CMYA5: variants seen among roughly 807,000 people sequenced by gnomAD.
CMYA5 encodes the protein cardiomyopathy associated 5, also known as cardiomyopathy-associated protein 5.
In CMYA5, 246 loss-of-function variants were observed where a neutral mutation model predicts 318.9. The ratio of observed to expected loss-of-function variants is 0.77; its 90% CI spans 0.70 to 0.86. The LOEUF (loss-of-function observed/expected upper bound fraction) is 0.86. Among genes scored for constraint, CMYA5 ranks in the 40% least tolerant of loss-of-function variants. CMYA5 has a pLI of 0.00. For missense variants in CMYA5, 4,589 were observed against 4,678.2 expected (o/e 0.98, Z 0.56); for synonymous variants, 1,641 against 1,729.5 (o/e 0.95, Z 1.27).
rs1234611968 is a variant in CMYA5, at chr5:79,735,887, A to C, written c.7122A>C (p.Ser2374=). 1 of 1,580,882 alleles carries C rather than the reference A, an allele frequency of 6.3e-7. No individual in the cohort carries two copies. ...EEPRSDQKQK[S]LLSFDVVDKV... is the part of the protein sequence containing the mutation. ...CAAGAAGTGATCAAAAACAAAAATC[A>C]CTCCTTTCATTTGATGTAGTAGATA... The change falls in exon 2 of 13, where the codon TCA becomes TCC. Residue 2374 remains serine, a synonymous_variant. Coordinates refer to ENST00000446378, the MANE Select transcript of CMYA5 (RefSeq NM_153610.5).
Position 79,690,046 on chromosome 5 carries a change from C to G in CMYA5, c.139C>G (p.Pro47Ala), listed in dbSNP as rs369473132. 2 of 1,454,192 alleles carry G rather than the reference C, an allele frequency of 1.4e-6. No homozygotes were observed. The highest frequency in any genetic ancestry group is 1.5e-5 in the African/African-American group (1 of 67,394). 90.1% of individuals were successfully genotyped at this position (1,454,192 alleles called of 1,614,324 possible). Residue 47 changes from proline (P) to alanine (A), a missense_variant, in exon 1 of 13, where the codon CCG becomes GCG. Physicochemically the swap from Pro to Ala is conservative, Grantham distance 27. This residue lies in a region of CMYA5 where 2,132 missense variants were observed against 2,131.3 expected (regional missense o/e 1.00). Transcript: ENST00000446378. ...GACGGCGGCGGAGTCGGAGGAGGAG[C>G]CGGACTCCAGGTAGCGCGAGCCTCT... The part of the protein sequence containing the change: ...DETAAESEEE[P>A]DSRLSDQDEE...
In CMYA5 at chr5:79,702,961, C is replaced by T. The variant is rs17239926; in HGVS notation, c.149+12905C>T. On this transcript the variant is annotated intron_variant, in intron 1 of 12. Transcript: ENST00000446378. ...TTTCTTTCCTCAGTAGCTCTCAAGT[C>T]GGTCTAAAAACGGATGTGAAGGTCT... 5.1e-3 allele frequency among the ~76,000 whole-genome samples: 773 copies of T among 152,250 alleles called. 5 individuals carry two copies. Among genetic ancestry groups the T allele is most frequent in the Non-Finnish European group, 8.6e-3 (582 of 68,014 alleles).
At position 79,737,622 on chromosome 5, in the gene CMYA5, A is replaced by G. The variant is rs1828107748; in HGVS notation, c.8857A>G (p.Ile2953Val). ...TAGTATCATTTCTGAAGGCTGTGAG[A>G]TATTGAATATTCATGCTCCGGCCTT... ...AFSIISEGCEILNIHAPAFIS... is the reference protein window; with the variant it reads ...AFSIISEGCEVLNIHAPAFIS... Residue 2953 changes from isoleucine (I) to valine (V), a missense_variant, in exon 2 of 13, where the codon ATA (isoleucine) becomes GTA (valine). Transcript: ENST00000446378. 3.7e-6 allele frequency: 6 copies of G among 1,613,520 alleles called. No individual in the cohort carries two copies. Among genetic ancestry groups the G allele is most frequent in the Non-Finnish European group, 5.1e-6 (6 of 1,179,780 alleles).
chr5:79,799,870 T>TACGCCAACCA lies in CMYA5; in HGVS notation c.*255_*256insCGCCAACCAA. On this transcript the variant is annotated 3_prime_UTR_variant, in exon 13 of 13. Coordinates refer to ENST00000446378, the MANE Select transcript of CMYA5 (RefSeq NM_153610.5). ...TATAAGTTTGAGTTCTTTCCTAAATTAAAAGATCTACACTTGAGTTGGGAA... is the reference window on the plus strand; with the variant it reads ...TATAAGTTTGAGTTCTTTCCTAAATTACGCCAACCAAAAAGATCTACACTTGAGTTGGGAA... The TACGCCAACCA allele has an allele frequency of 6.3e-6, 1 of 158,426 alleles. No individual in the cohort carries two copies. The highest frequency in any genetic ancestry group is 1.2e-5 in the Non-Finnish European group (1 of 81,248). 9.8% of individuals were successfully genotyped at this position (158,426 alleles called of 1,614,324 possible).
In CMYA5 at chr5:79,730,211, A is replaced by G; in HGVS notation, c.1446A>G (p.Gly482=). The part of the protein sequence containing the change: ...KLTPTHPSVK[G]EKEENMLEPS... ...CCCCTACCCATCCCAGTGTCAAAGG[A>G]GAGAAGGAGGAAAACATGCTTGAGC... Residue 482 remains glycine, a synonymous_variant, in exon 2 of 13, where the codon GGA becomes GGG. Transcript: ENST00000446378. 6.2e-7 allele frequency: 1 copy of G among 1,613,986 alleles called. No homozygotes were observed.
At chr5:79,711,644 G>A (rs1827393125) in intron 1 of CMYA5, among the ~76,000 whole-genome samples, 1 of 152,016 alleles carries the variant, frequency 6.6e-6, no homozygotes, top group African/African-American at 2.4e-5. Context: ...AAAAAATGGG[G>A]GCTGGGAAAT....
rs542528396 is a variant in CMYA5 at position 79,711,800 on chromosome 5, A to T, written c.150-17115A>T. ...AGGATTTGTCAGTAACCATAATATA[A>T]TGATTAATTTTTCTTGATGAATTAT... On this transcript the variant is annotated intron_variant, in intron 1 of 12. Coordinates refer to ENST00000446378, the MANE Select transcript of CMYA5 (RefSeq NM_153610.5). 3.2e-4 allele frequency among the ~76,000 whole-genome samples: 49 copies of T among 152,344 alleles called. No individual in the cohort carries two copies. In the Middle Eastern group the frequency reaches 0.017, roughly 53 times the overall value.
In CMYA5 at chr5:79,743,927, G is replaced by A. The variant is rs887884311; in HGVS notation, c.10734+5G>A. On this transcript the variant is annotated splice_donor_5th_base_variant and intron_variant, in intron 3 of 12. Coordinates refer to ENST00000446378, the MANE Select transcript of CMYA5 (RefSeq NM_153610.5). ...TCCTTTTTTAATACCATTGAGGTAA[G>A]TTAACACACCCATTTTACCTTAACC... is the stretch of plus-strand genomic sequence containing the variant. 2 of 1,426,788 alleles carry A rather than the reference G, an allele frequency of 1.4e-6. No homozygotes were observed. Among genetic ancestry groups the A allele is most frequent in the Non-Finnish European group, 1.9e-6 (2 of 1,041,564 alleles). 88.4% of individuals were successfully genotyped at this position (1,426,788 alleles called of 1,614,324 possible).
intron 1 of CMYA5, among the ~76,000 whole-genome samples, chr5:79,698,467 C>T (rs1392995338): frequency 6.6e-6 from 1 of 152,176 alleles, no homozygotes; most frequent in African/African-American, 2.4e-5. Flanking sequence ...CCCCTGTCTA[C>T]CTCTCTCAGC....
rs58596452 is a variant in CMYA5, at chr5:79,726,595, G to A, written c.150-2320G>A. Among the ~76,000 whole-genome samples, 872 of 152,290 alleles carry A rather than the reference G, an allele frequency of 5.7e-3. 11 individuals are homozygous for A. The highest frequency in any genetic ancestry group is 0.02 in the African/African-American group (842 of 41,554). On this transcript the variant is annotated intron_variant, in intron 1 of 12. Coordinates refer to ENST00000446378, the MANE Select transcript of CMYA5 (RefSeq NM_153610.5). The stretch of plus-strand genomic sequence containing the variant: ...TTCACTCATGGCATGTATAGAAAAT[G>A]ATATAATTTATAGCACACTAGGGTG...
rs1475673142 is a variant in CMYA5 at position 79,736,813 on chromosome 5, A to G, written c.8048A>G (p.Lys2683Arg). The change falls in exon 2 of 13, where the codon AAA (lysine) becomes AGA (arginine). Residue 2683 changes from lysine (K) to arginine (R), a missense_variant. Around this residue, in one of 3 missense-constraint regions of CMYA5, gnomAD observed 2,431 missense variants for 2,495.1 expected, o/e 0.97. Transcript: ENST00000446378. ...CAGTTCAGAGAGTCAGAGCTATCGA[A>G]AGGCGGTTCAGTAGATATCACAAAA... ...KEQFRESELS[K>R]GGSVDITKET... 1 of 1,612,848 alleles carries G rather than the reference A, an allele frequency of 6.2e-7. No homozygotes were observed. The highest frequency in any genetic ancestry group is 1.7e-5 in the Admixed American group (1 of 59,786).
intron 10 of CMYA5, among the ~76,000 whole-genome samples, chr5:79,790,459 C>T (rs10066595): frequency 0.15 from 22,414 of 151,988 alleles, 1,911 homozygotes; most frequent in African/African-American, 0.22. Context: ...TTGGTAGAGA[C>T]GGGGTTTCAC....
Position 79,758,762 on chromosome 5 carries a change from C to T in CMYA5, c.11120C>T (p.Pro3707Leu), listed in dbSNP as rs755368316. 4.7e-5 allele frequency: 75 copies of T among 1,603,528 alleles called. No homozygotes were observed. Among genetic ancestry groups the T allele is most frequent in the Non-Finnish European group, 5.9e-5 (69 of 1,175,554 alleles). Residue 3707 changes from proline (P) to leucine (L), a missense_variant, in exon 7 of 13, where the codon CCT (proline) becomes CTT (leucine). This residue lies in a region of CMYA5 where 2,431 missense variants were observed against 2,495.1 expected (regional missense o/e 0.97). Transcript: ENST00000446378. ...QMLKQVAVPQ[P>L]PRLEPQEPNS... The stretch of plus-strand genomic sequence containing the variant: ...CTTGTTTATATTCCAGTTCCACAGC[C>T]TCCTAGATTAGAACCTCAGGAACCA...
chr5:79,719,526 ACT>A (rs1466865991), intron 1 of CMYA5, among the ~76,000 whole-genome samples: 45 of 152,198 alleles, frequency 3.0e-4, no homozygotes, highest in African/African-American at 1.1e-3. Flanking sequence ...TACTAATACA[ACT>A]CACAAAAAAC....
At chr5:79,793,351 CTG>C (rs1829210670) in intron 11 of CMYA5, 84 bp from the exon 12 acceptor site, 3 of 1,327,734 alleles carry the variant, frequency 2.3e-6, no homozygotes, top group South Asian at 1.3e-5. Flanking sequence ...CCTGCCTAAA[CTG>C]TGTGAGTTTG....
chr5:79,747,018 A>C, intron 4 of CMYA5, 73 bp from the exon 5 acceptor site: 1 of 922,856 alleles, frequency 1.1e-6, no homozygotes, highest in Non-Finnish European at 1.7e-6. Context: ...TCTGTTGTTA[A>C]TTAGCTTCTC....
At chr5:79,701,090 C>CCAAAAAAAAAAAAAAAAA (rs55791310) in intron 1 of CMYA5, among the ~76,000 whole-genome samples, 3 of 114,926 alleles carry the variant, frequency 2.6e-5, no homozygotes, top group African/African-American at 3.1e-5. Flanking sequence ...ACTAAAAATA[C>CCAAAAAAAAAAAAAAAAA]AAAAAAAAAA....
chr5:79,753,538 T>C (rs1828470681), intron 6 of CMYA5, among the ~76,000 whole-genome samples: 1 of 152,008 alleles, frequency 6.6e-6, no homozygotes, highest in Admixed American at 6.6e-5. Context: ...CACTTGAGCC[T>C]AAGGGTTCGA....
At chr5:79,726,204 G>A (rs1377772426) in intron 1 of CMYA5, among the ~76,000 whole-genome samples, 1 of 152,148 alleles carries the variant, frequency 6.6e-6, no homozygotes, top group East Asian at 1.9e-4. Context: ...AAACTTCTCT[G>A]GTTGGGCACA....
Sources: allele counts gnomAD v4.1 joint callset (sites outside exome capture counted in the v4.1 genomes callset), GRCh38; gene constraint gnomAD v4.1.1; regional missense constraint gnomAD v4.1.1; transcripts MANE v1.5; gene names NCBI Gene and HGNC (gene_info 2026-07-23, HGNC 2026-07-21).